EIF4G3: variants seen among roughly 807,000 people sequenced by gnomAD.
The protein encoded by EIF4G3 is eIF-4-gamma 3.
In EIF4G3, 34 loss-of-function variants were observed where a neutral mutation model predicts 186.4. The ratio of observed to expected loss-of-function variants is 0.18; its 90% CI spans 0.14 to 0.24. The LOEUF (loss-of-function observed/expected upper bound fraction) is 0.24, where lower values mean the gene tolerates loss of function less well. Ranked by LOEUF, EIF4G3 falls within the 10% of genes least tolerant of loss-of-function variation. EIF4G3 has a pLI of 1.00. For synonymous variants in EIF4G3, 673 were observed against 679.5 expected (o/e 0.99, Z 0.15); for missense variants, 1,536 against 1,948.5 (o/e 0.79, Z 3.99).
chr1:20,910,418 T>C (rs946671592), intron 14 of EIF4G3, among the ~76,000 whole-genome samples: 3 of 152,006 alleles, frequency 2.0e-5, no homozygotes, highest in Non-Finnish European at 4.4e-5. Flanking sequence ...ATCCCATCTC[T>C]ACTAAAAATA....
At chr1:20,913,211 G>C (rs970493693) in intron 14 of EIF4G3, among the ~76,000 whole-genome samples, 1 of 152,084 alleles carries the variant, frequency 6.6e-6, no homozygotes, top group Admixed American at 6.6e-5. Flanking sequence ...AGTTTGGTGA[G>C]GTCCTAGCAC....
chr1:20,944,309 A>C (rs1016940233), intron 13 of EIF4G3, among the ~76,000 whole-genome samples: 1 of 151,786 alleles, frequency 6.6e-6, no homozygotes, highest in African/African-American at 2.4e-5. Context: ...GAGCCTAGGA[A>C]TTTGCGATAA....
intron 4 of EIF4G3, among the ~76,000 whole-genome samples, chr1:21,023,527 C>G (rs933483566): frequency 6.6e-6 from 1 of 152,018 alleles, no homozygotes; most frequent in African/African-American, 2.4e-5. Flanking sequence ...CCCGAGGTGC[C>G]GGGATGGCAG....
intron 18 of EIF4G3, chr1:20,892,685 C>G: frequency 6.5e-7 from 1 of 1,536,096 alleles, no homozygotes; most frequent in Non-Finnish European, 8.7e-7. Context: ...GGGCTTTGCT[C>G]TGTTCCAGAA....
chr1:20,971,564 T>C (rs1401239673), intron 11 of EIF4G3, among the ~76,000 whole-genome samples: 2 of 152,250 alleles, frequency 1.3e-5, no homozygotes, highest in African/African-American at 4.8e-5. Context: ...TCCTGTTCAT[T>C]ATGATATATG....
At chr1:21,167,618 C>T (rs1013310843) in intron 2 of EIF4G3, among the ~76,000 whole-genome samples, 2 of 152,086 alleles carry the variant, frequency 1.3e-5, no homozygotes, top group East Asian at 1.9e-4. Context: ...ATTAGCCAGG[C>T]GTGGTGCCGG....
At chr1:21,151,236 C>CTTTCTTTTTT (rs532825299) in intron 2 of EIF4G3, among the ~76,000 whole-genome samples, 1 of 80,410 alleles carries the variant, frequency 1.2e-5, no homozygotes, top group Non-Finnish European at 2.2e-5. Context: ...GTATTTCTTT[C>CTTTCTTTTTT]TTTTTTTTTT....
rs1156867421 is a variant in EIF4G3 at position 20,980,415 on chromosome 1, G to A, written c.412C>T (p.Pro138Ser). Residue 138 changes from proline to serine, a missense_variant, in exon 10 of 37, where the codon CCC becomes TCC. Physicochemically the swap from Pro to Ser is moderately conservative, Grantham distance 74 (BLOSUM62 -1). Transcript: ENST00000602326. The part of the protein sequence containing the change: ...RHSGPPYVGP[P>S]QQYPVQPPGP... ...GGTGGTTGAACTGGATATTGTTGGG[G>A]GGGCCCAACATAAGGAGGGCCACTA... 5 of 1,545,174 alleles carry A rather than the reference G, an allele frequency of 3.2e-6. No homozygotes were observed. The highest frequency in any genetic ancestry group is 4.3e-6 in the Non-Finnish European group (5 of 1,157,122).
intron 20 of EIF4G3, among the ~76,000 whole-genome samples, chr1:20,875,547 A>G (rs2080506423): frequency 6.6e-6 from 1 of 152,268 alleles, no homozygotes; most frequent in Non-Finnish European, 1.5e-5. Context: ...CAACAAATGA[A>G]GAATTTCAAC....
chr1:21,113,577 C>A (rs1383855354), intron 2 of EIF4G3, among the ~76,000 whole-genome samples: 1 of 152,036 alleles, frequency 6.6e-6, no homozygotes, highest in Non-Finnish European at 1.5e-5. Flanking sequence ...TGTGCTGTTA[C>A]AGTAAAATCA....
intron 4 of EIF4G3, among the ~76,000 whole-genome samples, chr1:21,009,678 G>A (rs536892427): frequency 1.0e-3 from 151 of 151,758 alleles, no homozygotes; most frequent in African/African-American, 3.4e-3. Flanking sequence ...GTGGGGGGAC[G>A]GAGTTTTGCT....
intron 4 of EIF4G3, among the ~76,000 whole-genome samples, chr1:21,030,032 A>T (rs954935000): frequency 4.6e-5 from 7 of 151,760 alleles, no homozygotes; most frequent in African/African-American, 4.8e-5. Flanking sequence ...ATTTTTAAAA[A>T]TTTTTTGTGG....
Position 20,833,288 on chromosome 1 carries a change from G to C in EIF4G3, c.4062-4016C>G, listed in dbSNP as rs2065830286. Among the ~76,000 whole-genome samples the C allele has an allele frequency of 2.6e-5, 4 of 151,562 alleles. No individual in the cohort carries two copies. The South Asian group carries it at 8.4e-4, about 32-fold the overall frequency. On this transcript the variant is annotated intron_variant, in intron 30 of 36. Transcript: ENST00000602326. ...TGTTTGTATCCTCTTTTATTTCCTT[G>C]AGCAGTGGTTTGTAGTTCTCCTTGA...
At chr1:20,845,477 A>G (rs1030301065) in intron 29 of EIF4G3, among the ~76,000 whole-genome samples, 1 of 152,138 alleles carries the variant, frequency 6.6e-6, no homozygotes, top group Non-Finnish European at 1.5e-5. Flanking sequence ...CCTGGCTAAC[A>G]CCGTGAAACC....
At chr1:20,896,926 C>T (rs1012266053) in intron 16 of EIF4G3, among the ~76,000 whole-genome samples, 1 of 152,186 alleles carries the variant, frequency 6.6e-6, no homozygotes, top group Non-Finnish European at 1.5e-5. Flanking sequence ...CACTATACAG[C>T]CTAGGTGTGT....
At chr1:21,023,301 G>C (rs190658608) in intron 4 of EIF4G3, among the ~76,000 whole-genome samples, 2 of 118,466 alleles carry the variant, frequency 1.7e-5, no homozygotes, top group Non-Finnish European at 1.7e-5. Flanking sequence ...CTCTTTCCAC[G>C]TCTCCCTCTC....
At chr1:20,940,763 G>A (rs2095682726) in intron 14 of EIF4G3, among the ~76,000 whole-genome samples, 3 of 152,312 alleles carry the variant, frequency 2.0e-5, no homozygotes, top group Middle Eastern at 6.8e-3. Context: ...TCCTAGAATA[G>A]CTGATAAGCC....
At chr1:21,173,561 G>A (rs563336907) in intron 2 of EIF4G3, among the ~76,000 whole-genome samples, 112 of 152,084 alleles carry the variant, frequency 7.4e-4, no homozygotes, top group African/African-American at 2.4e-3. Context: ...GGTGGCACAC[G>A]CCTGTAATCC....
At chr1:20,969,815 G>C (rs919867971) in intron 11 of EIF4G3, among the ~76,000 whole-genome samples, 7 of 152,080 alleles carry the variant, frequency 4.6e-5, no homozygotes, top group African/African-American at 4.8e-5. Context: ...ATGAAACCTA[G>C]TTGGCTGGAT....
Sources: gnomAD v4.1 joint callset for allele counts (sites outside exome capture counted in the v4.1 genomes callset) on GRCh38, gnomAD v4.1.1 for gene constraint, MANE v1.5 for transcripts, NCBI Gene and HGNC (gene_info 2026-07-23, HGNC 2026-07-21) for gene names.